The following SLC39A12 variants were observed in gnomAD, a reference collection of about 807,000 sequenced individuals.
The protein encoded by SLC39A12 is zinc transporter ZIP12.
Under a neutral mutation model 71.1 loss-of-function variants are expected in SLC39A12, and 63 were observed. The observed-to-expected ratio is 0.89, with a 90% confidence interval of 0.72 to 1.09. The LOEUF (loss-of-function observed/expected upper bound fraction) is 1.09, where lower values mean the gene tolerates loss of function less well. Among genes scored for constraint, SLC39A12 ranks in the 50% least tolerant of loss-of-function variants. The pLI, the probability that SLC39A12 is intolerant of heterozygous loss-of-function variation, is 0.00. For missense variants in SLC39A12, 892 were observed against 812.6 expected (o/e 1.10, Z -1.19); for synonymous variants, 351 against 301.3 (o/e 1.16, Z -1.71).
intron 4 of SLC39A12, among the ~76,000 whole-genome samples, chr10:17,973,436 C>A (rs1835025331): frequency 1.3e-5 from 2 of 152,130 alleles, no homozygotes; most frequent in South Asian, 4.1e-4. Flanking sequence ...TTAATAAAAT[C>A]CCTCAGCTTT....
chr10:18,014,515 CT>C (rs1836323796), intron 12 of SLC39A12, among the ~76,000 whole-genome samples: 1 of 152,120 alleles, frequency 6.6e-6, no homozygotes, highest in African/African-American at 2.4e-5. Flanking sequence ...CACATAAGCC[CT>C]TTCCTCTTGT....
chr10:17,988,262 C>T (rs563584718), intron 7 of SLC39A12, among the ~76,000 whole-genome samples: 11 of 152,270 alleles, frequency 7.2e-5, no homozygotes, highest in East Asian at 3.9e-4. Flanking sequence ...GAGCAAAGAT[C>T]GTACCACTGC....
intron 4 of SLC39A12, among the ~76,000 whole-genome samples, chr10:17,974,823 G>A (rs186998632): frequency 1.1e-3 from 170 of 152,312 alleles, no homozygotes; most frequent in African/African-American, 4.0e-3. Flanking sequence ...GGTGAAGCCA[G>A]CCAGGCTTGT....
At chr10:18,033,208 T>A (rs1419536447) in intron 12 of SLC39A12, among the ~76,000 whole-genome samples, 1 of 144,248 alleles carries the variant, frequency 6.9e-6, no homozygotes, top group Non-Finnish European at 1.5e-5. Context: ...TTGATTGGAA[T>A]AGTTTCAGAA....
At chr10:18,041,602 T>C (rs1837231405) in intron 12 of SLC39A12, among the ~76,000 whole-genome samples, 1 of 137,670 alleles carries the variant, frequency 7.3e-6, no homozygotes, top group African/African-American at 2.8e-5. Context: ...TATATATGTG[T>C]ATATATATGT....
chr10:18,001,271 T>C (rs778190751), intron 11 of SLC39A12, among the ~76,000 whole-genome samples: 13 of 152,118 alleles, frequency 8.5e-5, no homozygotes, highest in Non-Finnish European at 1.3e-4. Context: ...TCCCAGCACT[T>C]TGGGAGGCCG....
chr10:17,961,871 G>A lies in SLC39A12; in HGVS notation c.543+9G>A, dbSNP rs556080783. ...ACACTTCTCAAAGCCAGGTAAGAAG[G>A]CAAAATTGCTAACTGGCTCTGCTGC... On this transcript the variant is annotated intron_variant, in intron 3 of 12. Coordinates refer to ENST00000377369, the MANE Select transcript of SLC39A12 (RefSeq NM_001145195.2). The A allele has an allele frequency of 2.0e-4, 316 of 1,606,906 alleles. 4 individuals carry two copies. The South Asian group carries it at 3.4e-3, about 17-fold the overall frequency.
intron 10 of SLC39A12, among the ~76,000 whole-genome samples, chr10:17,996,746 C>T (rs1404785832): frequency 1.3e-5 from 2 of 152,030 alleles, no homozygotes; most frequent in African/African-American, 2.4e-5. Context: ...GCCTGTAATC[C>T]CAGCACTTTG....
In SLC39A12 at chr10:17,965,634, A is replaced by T; in HGVS notation, c.695A>T (p.Tyr232Phe). Residue 232 changes from tyrosine to phenylalanine, a missense_variant, in exon 4 of 13, where the codon TAC becomes TTC. By Grantham distance (22) the Tyr-to-Phe change is conservative. Transcript: ENST00000377369. ...CAAGGAAACTTGCCTTCCCCAGACT[A>T]CTTTACAGAATATATTTTCAGTTCC... Reference protein sequence around the residue: ...LGQGNLPSPDYFTEYIFSSLN... With the variant: ...LGQGNLPSPDFFTEYIFSSLN... The T allele has an allele frequency of 6.2e-7, 1 of 1,614,168 alleles. No individual in the cohort carries two copies. The highest frequency in any genetic ancestry group is 8.5e-7 in the Non-Finnish European group (1 of 1,180,006).
Position 18,000,765 on chromosome 10 carries a change from T to C in SLC39A12, c.1699T>C (p.Ser567Pro), listed in dbSNP as rs1458401607. ...CATAGGAGCAGCCTTCTCATCATCATCCGAGTCAGGAGTGACCACTACGAT... is the reference window on the plus strand; with the variant it reads ...CATAGGAGCAGCCTTCTCATCATCACCCGAGTCAGGAGTGACCACTACGAT... The part of the protein sequence containing the change: ...LAIGAAFSSS[S>P]ESGVTTTIAI... The change falls in exon 11 of 13, where the codon TCC becomes CCC. Residue 567 changes from serine to proline, a missense_variant. Transcript: ENST00000377369. The C allele has an allele frequency of 6.2e-7, 1 of 1,614,090 alleles. No homozygotes were observed. Among genetic ancestry groups the C allele is most frequent in the African/African-American group, 1.3e-5 (1 of 74,940 alleles).
intron 5 of SLC39A12, 86 bp downstream of exon 5, chr10:17,978,160 T>G: frequency 8.8e-7 from 1 of 1,142,720 alleles, no homozygotes; most frequent in Non-Finnish European, 1.2e-6. Flanking sequence ...TGTAGAAAAC[T>G]TAAAGAGTAT....
chr10:18,039,924 T>A (rs1257340140), intron 12 of SLC39A12, among the ~76,000 whole-genome samples: 2 of 152,204 alleles, frequency 1.3e-5, no homozygotes, highest in Non-Finnish European at 2.9e-5. Context: ...ACACTCTGAA[T>A]GTTGAACTAA....
At position 17,991,170 on chromosome 10, in the gene SLC39A12, A is replaced by C. The variant is rs1017401326; in HGVS notation, c.1289A>C (p.Gln430Pro). 1 of 1,552,672 alleles carries C rather than the reference A, an allele frequency of 6.4e-7. No individual in the cohort carries two copies. Among genetic ancestry groups the C allele is most frequent in the Non-Finnish European group, 8.6e-7 (1 of 1,158,248 alleles). Residue 430 changes from glutamine to proline, a missense_variant, in exon 8 of 13, where the codon CAG becomes CCG. By Grantham distance (76) the Gln-to-Pro change is moderately conservative. Coordinates refer to ENST00000377369, the MANE Select transcript of SLC39A12 (RefSeq NM_001145195.2). ...CTGAAGGTTCTTGGTTTACATAAGC[A>C]GGAAGCCCCAGAATTTGGGCATTTC... The part of the protein sequence containing the change: ...LIPQVLGLHK[Q>P]EAPEFGHFHE...
chr10:17,969,304 C>T (rs1237503053), intron 4 of SLC39A12, among the ~76,000 whole-genome samples: 2 of 152,034 alleles, frequency 1.3e-5, no homozygotes, highest in African/African-American at 4.8e-5. Flanking sequence ...GGGTATATAC[C>T]CAGTGGTGGG....
intron 12 of SLC39A12, among the ~76,000 whole-genome samples, chr10:18,007,695 G>C (rs1836070770): frequency 6.6e-6 from 1 of 152,184 alleles, no homozygotes; most frequent in East Asian, 1.9e-4. Context: ...ACCATATGGG[G>C]TAATGTCCTG....
At chr10:17,952,746 C>A (rs538738018) in intron 1 of SLC39A12, among the ~76,000 whole-genome samples, 1 of 152,300 alleles carries the variant, frequency 6.6e-6, no homozygotes, top group South Asian at 2.1e-4. Flanking sequence ...TTCAGCCTCC[C>A]AAAGTGCTGG....
chr10:17,961,562 T>C lies in SLC39A12; in HGVS notation c.262-19T>C, dbSNP rs782128862. On this transcript the variant is annotated intron_variant, in intron 2 of 12. Transcript: ENST00000377369. ...CTAAGCTTTGTTTCTTTTGTTGTTG[T>C]TATTGTTTTCTTCCACAGTGCTTTG... is the stretch of plus-strand genomic sequence containing the variant. 2 of 1,590,306 alleles carry C rather than the reference T, an allele frequency of 1.3e-6. No individual in the cohort carries two copies. The highest frequency in any genetic ancestry group is 1.2e-5 in the South Asian group (1 of 86,026).
chr10:18,006,294 A>C (rs1470403421), intron 12 of SLC39A12, among the ~76,000 whole-genome samples: 1 of 152,250 alleles, frequency 6.6e-6, no homozygotes, highest in Non-Finnish European at 1.5e-5. Flanking sequence ...GCAAAGAAGA[A>C]AGTCCTTTCT....
chr10:17,967,499 G>A (rs7903468), intron 4 of SLC39A12, among the ~76,000 whole-genome samples: 3,162 of 152,190 alleles, frequency 0.021, 93 homozygotes, highest in African/African-American at 0.072. Flanking sequence ...CTTAAGGGAA[G>A]GTAAAAATAA....
Sources: allele counts gnomAD v4.1 joint callset (sites outside exome capture counted in the v4.1 genomes callset), GRCh38; gene constraint gnomAD v4.1.1; transcripts MANE v1.5; gene names NCBI Gene and HGNC (gene_info 2026-07-23, HGNC 2026-07-21).